Variants in ARHGAP39 observed in about 807,000 individuals in gnomAD.
ARHGAP39 encodes the protein rho GTPase-activating protein 39.
ARHGAP39 carries 44 observed loss-of-function variants against 106.9 expected under a neutral mutation model. The observed-to-expected ratio is 0.41, with a 90% CI of 0.32 to 0.53. ARHGAP39 has a LOEUF of 0.53. ARHGAP39 is among the 20% of genes least tolerant of loss of function. The pLI, the probability that ARHGAP39 is intolerant of heterozygous loss-of-function variation, is 0.21. For synonymous variants in ARHGAP39, 768 were observed against 693.2 expected (o/e 1.11, Z -1.69); for missense variants, 1,496 against 1,577.3 (o/e 0.95, Z 0.87).
intron 2 of ARHGAP39, among the ~76,000 whole-genome samples, chr8:144,601,329 T>C (rs1234013010): frequency 7.4e-5 from 10 of 135,574 alleles, no homozygotes; most frequent in Non-Finnish European, 1.4e-4. Flanking sequence ...TGTGGAGGCG[T>C]GTGTGTGCTC....
intron 1 of ARHGAP39, among the ~76,000 whole-genome samples, chr8:144,658,242 T>C (rs896946021): frequency 1.3e-5 from 2 of 151,968 alleles, no homozygotes; most frequent in African/African-American, 2.4e-5. Flanking sequence ...CCCAAGTAGC[T>C]GGAATTACAG....
the ARHGAP39 span, chr8:144,698,711 C>A: frequency 2.7e-6 from 1 of 369,476 alleles, no homozygotes; most frequent in South Asian, 1.9e-5. Flanking sequence ...CTTTTCCTGG[C>A]CTGCCTGGCA....
At chr8:144,536,565 G>A (rs1326582454) in intron 7 of ARHGAP39, among the ~76,000 whole-genome samples, 1 of 152,242 alleles carries the variant, frequency 6.6e-6, no homozygotes, top group Non-Finnish European at 1.5e-5. Context: ...CCCAGATGGA[G>A]TGGTCTGAGG....
In ARHGAP39 at chr8:144,547,957, TCTG is replaced by T. The variant is rs138155129; in HGVS notation, c.1126_1128del (p.Gln376del). The T allele has an allele frequency of 0.066, 105,295 of 1,603,664 alleles. 4,032 individuals are homozygous for T. The highest frequency in any genetic ancestry group is 0.078 in the Non-Finnish European group (92,235 of 1,175,968). ...AGGCTCAGGAAGCGCTCGGGACACT[TCTG>T]CTTGGTGAGCACCAGCTGCTGGCAG... is the stretch of plus-strand genomic sequence containing the variant. On this transcript the variant is annotated inframe_deletion, in exon 5 of 12. Coordinates refer to ENST00000377307, the MANE Select transcript of ARHGAP39 (RefSeq NM_025251.3). The surrounding 1 kb of genome is among the most constrained non-coding windows in gnomAD (Gnocchi z 5.2).
At chr8:144,685,552 C>T (rs1822566625) in intron 1 of ARHGAP39, among the ~76,000 whole-genome samples, 134 bp downstream of exon 1, 2 of 148,990 alleles carry the variant, frequency 1.3e-5, no homozygotes, top group South Asian at 4.2e-4. Context: ...GCAGTCGCCG[C>T]GGGCCTGGAT....
chr8:144,661,679 C>T (rs1394840051), intron 1 of ARHGAP39, among the ~76,000 whole-genome samples: 1 of 152,122 alleles, frequency 6.6e-6, no homozygotes, highest in East Asian at 1.9e-4. Context: ...AGCCACCATA[C>T]AAATGAATGA....
rs564484206 is a variant in ARHGAP39 at position 144,645,292 on chromosome 8, G to T, written c.-81-39597C>A. Reference sequence around the variant, plus strand: ...TGAACTGAAGGCACGAGAAGTCCAGGTGTCAAGGAGAGGTTGGCCATGAGG... The same window carrying T: ...TGAACTGAAGGCACGAGAAGTCCAGTTGTCAAGGAGAGGTTGGCCATGAGG... On this transcript the variant is annotated intron_variant, in intron 1 of 11. Transcript: ENST00000377307. This position sits in a 1 kb window ranked among gnomAD's most constrained non-coding sequence, Gnocchi z 4.4. Among the ~76,000 whole-genome samples, 1 of 152,360 alleles carries T rather than the reference G, an allele frequency of 6.6e-6. No individual in the cohort carries two copies. Among genetic ancestry groups the T allele is most frequent in the East Asian group, 1.9e-4 (1 of 5,184 alleles).
intron 3 of ARHGAP39, among the ~76,000 whole-genome samples, chr8:144,559,625 C>T (rs11997608): frequency 0.093 from 14,092 of 152,054 alleles, 1,537 homozygotes; most frequent in African/African-American, 0.26. Context: ...TTTTAAAAAC[C>T]TCAAGGATAT....
At position 144,603,687 on chromosome 8, in the gene ARHGAP39, C is replaced by CAA. The variant is rs922284218; in HGVS notation, c.80+1846_80+1847dup. 4.3e-3 allele frequency among the ~76,000 whole-genome samples: 337 copies of CAA among 77,688 alleles called. 5 individuals are homozygous for CAA. The highest frequency in any genetic ancestry group is 0.013 in the African/African-American group (308 of 23,112). 51.0% of individuals were successfully genotyped at this position (77,688 alleles called of 152,430 possible). On this transcript the variant is annotated intron_variant, in intron 2 of 11. Coordinates refer to ENST00000377307, the MANE Select transcript of ARHGAP39 (RefSeq NM_025251.3). ...CCTGGGCGACAAAGCGAGACTCCAT[C>CAA]AAAAAAAAAAAAAAAAAAGAGGCCA...
intron 2 of ARHGAP39, among the ~76,000 whole-genome samples, chr8:144,601,897 G>A (rs968613900): frequency 7.0e-6 from 1 of 142,992 alleles, no homozygotes; most frequent in African/African-American, 2.6e-5. Flanking sequence ...GTCCATGGAG[G>A]CGTGCATGTG....
chr8:144,537,447 G>A (rs564836496), intron 7 of ARHGAP39, among the ~76,000 whole-genome samples: 12 of 152,232 alleles, frequency 7.9e-5, no homozygotes, highest in East Asian at 3.9e-4. Context: ...GCCCTCAGCC[G>A]GCAAGTTATC....
chr8:144,603,918 G>C (rs1820179800), intron 2 of ARHGAP39, among the ~76,000 whole-genome samples: 1 of 152,070 alleles, frequency 6.6e-6, no homozygotes, highest in South Asian at 2.1e-4. Flanking sequence ...GAGACGCTTA[G>C]GGGCCTATCT....
chr8:144,552,463 GAC>G (rs1318911051), intron 4 of ARHGAP39, among the ~76,000 whole-genome samples: 2 of 152,208 alleles, frequency 1.3e-5, no homozygotes, highest in Admixed American at 6.5e-5. Context: ...CCTAAATACA[GAC>G]ACAGTTATAC....
At chr8:144,601,060 G>A (rs1471327419) in intron 2 of ARHGAP39, among the ~76,000 whole-genome samples, 3 of 149,160 alleles carry the variant, frequency 2.0e-5, no homozygotes, top group African/African-American at 5.0e-5. Flanking sequence ...GGAGGCGTGC[G>A]TGCGAGCTCG....
intron 1 of ARHGAP39, among the ~76,000 whole-genome samples, chr8:144,682,808 T>G (rs1822461889): frequency 6.6e-6 from 1 of 152,118 alleles, no homozygotes; most frequent in Non-Finnish European, 1.5e-5. Context: ...CTCAGGAGTT[T>G]GAGACCAATC....
chr8:144,643,985 G>A (rs1301525232), intron 1 of ARHGAP39, among the ~76,000 whole-genome samples: 1 of 152,094 alleles, frequency 6.6e-6, no homozygotes, highest in Non-Finnish European at 1.5e-5. Context: ...AAGAGCCCTC[G>A]TACACTGCAA....
chr8:144,561,706 A>G (rs142607820), intron 3 of ARHGAP39, among the ~76,000 whole-genome samples: 2,798 of 141,224 alleles, frequency 0.02, 36 homozygotes, highest in Non-Finnish European at 0.029. Context: ...TTTCCATCAC[A>G]CTCCAGTGGT....
intron 8 of ARHGAP39, among the ~76,000 whole-genome samples, chr8:144,533,529 C>T (rs918601481): frequency 6.6e-6 from 1 of 152,204 alleles, no homozygotes; most frequent in African/African-American, 2.4e-5. Context: ...CTAACTCCTC[C>T]TGGGCTGCCC....
At position 144,605,651 on chromosome 8, in the gene ARHGAP39, G is replaced by A. The variant is rs770107115; in HGVS notation, c.-37C>T. ...TCCGCGCCCACGTGGACAGACGTCA[G>A]GGCACCATACGCACAACGCCAGCAT... is the stretch of plus-strand genomic sequence containing the variant. On this transcript the variant is annotated 5_prime_UTR_variant, in exon 2 of 12. Transcript: ENST00000377307. The A allele has an allele frequency of 3.1e-6, 5 of 1,604,162 alleles. No homozygotes were observed. The highest frequency in any genetic ancestry group is 1.7e-5 in the Admixed American group (1 of 60,004).
Sources: gnomAD v4.1 joint callset for allele counts (sites outside exome capture counted in the v4.1 genomes callset) on GRCh38, gnomAD v4.1.1 for gene constraint, Gnocchi (gnomAD v3.1) non-coding constraint, MANE v1.5 for transcripts, NCBI Gene and HGNC (gene_info 2026-07-23, HGNC 2026-07-21) for gene names.